The following PSMB7 variants were observed in gnomAD, a reference collection of about 807,000 sequenced individuals.
PSMB7 encodes the protein proteasome 20S subunit beta 7.
Under a neutral mutation model 28.1 loss-of-function variants are expected in PSMB7, and 5 were observed. The ratio of observed to expected loss-of-function variants is 0.18; its 90% CI spans 0.09 to 0.37. PSMB7 has a LOEUF of 0.37. Ranked by LOEUF, PSMB7 falls within the 10% of genes least tolerant of loss-of-function variation. The probability of loss-of-function intolerance (pLI) is 1.00; values close to 1 mark genes in which losing one functional copy is unlikely to be tolerated. For missense variants in PSMB7, 275 were observed against 346.2 expected, an observed-to-expected ratio of 0.79 and a Z score of 1.63; for synonymous variants, 122 against 123.7, an observed-to-expected ratio of 0.99 and a Z score of 0.09.
intron 6 of PSMB7, among the ~76,000 whole-genome samples, chr9:124,374,912 C>A (rs535153167): frequency 6.6e-6 from 1 of 152,044 alleles, no homozygotes; most frequent in East Asian, 1.9e-4. Context: ...GAGGCTGAGG[C>A]GGCAGATCAC....
At chr9:124,411,220 C>T (rs1276214821) in intron 4 of PSMB7, among the ~76,000 whole-genome samples, 1 of 152,200 alleles carries the variant, frequency 6.6e-6, no homozygotes, top group Non-Finnish European at 1.5e-5. Context: ...GATCCGCCAA[C>T]CTTGGCCTCC....
intron 6 of PSMB7, among the ~76,000 whole-genome samples, chr9:124,359,495 C>G (rs563692575): frequency 6.6e-6 from 1 of 152,320 alleles, no homozygotes; most frequent in African/African-American, 2.4e-5. Context: ...GAAACTCTGG[C>G]TGACGGTCAA....
At position 124,387,501 on chromosome 9, in the gene PSMB7, ACT is replaced by A. The variant is rs916014296; in HGVS notation, c.512-2847_512-2846del. 2.7e-5 allele frequency among the ~76,000 whole-genome samples: 4 copies of A among 145,932 alleles called. No individual in the cohort carries two copies. In the South Asian group the frequency reaches 8.4e-4, roughly 31 times the overall value. ...AAAATACATACATACACACACACAC[ACT>A]CTCTCTCTCGAGAAATTTTCTGAAA... On this transcript the variant is annotated intron_variant, in intron 5 of 7. Transcript: ENST00000259457.
chr9:124,367,710 T>C (rs1257989736), intron 6 of PSMB7, among the ~76,000 whole-genome samples: 1 of 152,118 alleles, frequency 6.6e-6, no homozygotes, highest in African/African-American at 2.4e-5. Context: ...AATTTCCCCA[T>C]CTGCAAAGGA....
rs574482554 is a variant in PSMB7, at chr9:124,364,637, TTC to T, written c.571-7724_571-7723del. On this transcript the variant is annotated intron_variant, in intron 6 of 7. Transcript: ENST00000259457. Reference sequence around the variant, plus strand: ...GATACTAATAAGATCCTCATCACATTTCTCTCTCTCTGCAAAAACAACGCGGC... The same window carrying T: ...GATACTAATAAGATCCTCATCACATTTCTCTCTCTGCAAAAACAACGCGGC... Among the ~76,000 whole-genome samples, 10 of 152,058 alleles carry T rather than the reference TTC, an allele frequency of 6.6e-5. No homozygotes were observed. The South Asian group carries it at 1.9e-3, about 28-fold the overall frequency.
chr9:124,359,919 C>A (rs1443428593), intron 6 of PSMB7, among the ~76,000 whole-genome samples: 2 of 152,144 alleles, frequency 1.3e-5, no homozygotes, highest in African/African-American at 2.4e-5. Flanking sequence ...CATATCCCTC[C>A]CTTAACACCC....
intron 3 of PSMB7, among the ~76,000 whole-genome samples, chr9:124,413,116 G>T (rs546369294): frequency 9.5e-6 from 1 of 105,568 alleles, no homozygotes; most frequent in African/African-American, 3.8e-5. Flanking sequence ...AGAAGATCAA[G>T]ATCAGCCAGG....
intron 6 of PSMB7, among the ~76,000 whole-genome samples, chr9:124,357,312 A>C (rs1830419125): frequency 6.6e-6 from 1 of 152,196 alleles, no homozygotes; most frequent in Admixed American, 6.5e-5. Context: ...ACATTAAAAA[A>C]TGGGTATAAC....
intron 6 of PSMB7, among the ~76,000 whole-genome samples, chr9:124,364,754 T>A (rs1830491479): frequency 6.6e-6 from 1 of 151,956 alleles, no homozygotes; most frequent in Non-Finnish European, 1.5e-5. Context: ...GTTTCATGGG[T>A]CACAACAAAG....
intron 6 of PSMB7, among the ~76,000 whole-genome samples, chr9:124,364,920 G>T (rs2131146207): frequency 6.6e-6 from 1 of 152,336 alleles, no homozygotes; most frequent in Middle Eastern, 3.4e-3. Context: ...ACTGCTAGAT[G>T]CTGGGCACAT....
rs867898403 is a variant in PSMB7, at chr9:124,403,876, C to T, written c.511+1441G>A. On this transcript the variant is annotated intron_variant, in intron 5 of 7. Transcript: ENST00000259457. The stretch of plus-strand genomic sequence containing the variant: ...TCAAATCTCACCTTCTTCATAAGAC[C>T]TGTCCTGACATTTTTTTTTTTTTTT... Among the ~76,000 whole-genome samples the T allele has an allele frequency of 4.0e-5, 6 of 149,410 alleles. No individual in the cohort carries two copies. The South Asian group carries it at 6.4e-4, about 16-fold the overall frequency.
intron 5 of PSMB7, among the ~76,000 whole-genome samples, chr9:124,393,675 G>A (rs899394473): frequency 6.6e-6 from 1 of 152,182 alleles, no homozygotes; most frequent in Non-Finnish European, 1.5e-5. Context: ...AAGGGAAAAG[G>A]GATTTTTCTT....
At chr9:124,359,267 T>C (rs1670243941) in intron 6 of PSMB7, among the ~76,000 whole-genome samples, 1 of 152,048 alleles carries the variant, frequency 6.6e-6, no homozygotes, top group Non-Finnish European at 1.5e-5. Context: ...GTTTCTCACT[T>C]TTTTCCCCCC....
chr9:124,414,482 C>A (rs867998028), intron 2 of PSMB7, among the ~76,000 whole-genome samples: 2 of 152,072 alleles, frequency 1.3e-5, no homozygotes, highest in South Asian at 2.1e-4. Flanking sequence ...GGAAAGTGAG[C>A]TGCCAGAAGT....
At chr9:124,376,712 T>TTCCC (rs1830613346) in intron 6 of PSMB7, among the ~76,000 whole-genome samples, 1 of 152,222 alleles carries the variant, frequency 6.6e-6, no homozygotes, top group African/African-American at 2.4e-5. Flanking sequence ...TAAGATGTCT[T>TTCCC]TCCCTCCCTG....
intron 2 of PSMB7, 93 bp downstream of exon 2, chr9:124,414,749 T>C: frequency 9.3e-7 from 1 of 1,071,104 alleles, no homozygotes; most frequent in Non-Finnish European, 1.4e-6. Context: ...GCATTTGCCT[T>C]TCCAGACCGA....
rs576628768 is a variant in PSMB7, at chr9:124,394,856, G to A, written c.512-10200C>T. 1.3e-4 allele frequency among the ~76,000 whole-genome samples: 20 copies of A among 152,140 alleles called. No individual in the cohort carries two copies. In the South Asian group the frequency reaches 1.7e-3, roughly 13 times the overall value. ...CAAGATGCATTCATTCAACTTTCAC[G>A]GGCTTTTGGTTCCCAGCTGTTTTAT... is the stretch of plus-strand genomic sequence containing the variant. On this transcript the variant is annotated intron_variant, in intron 5 of 7. Transcript: ENST00000259457.
intron 5 of PSMB7, among the ~76,000 whole-genome samples, chr9:124,399,923 C>A (rs1330016595): frequency 6.6e-6 from 1 of 152,238 alleles, no homozygotes; most frequent in Non-Finnish European, 1.5e-5. Flanking sequence ...CTAATCCTCT[C>A]ATTCCCTGGC....
At chr9:124,375,849 G>A (rs928376361) in intron 6 of PSMB7, among the ~76,000 whole-genome samples, 17 of 152,150 alleles carry the variant, frequency 1.1e-4, no homozygotes, top group African/African-American at 2.7e-4. Flanking sequence ...TGTGGGTTCC[G>A]CCAGCAAACC....
Sources: gnomAD v4.1 joint callset for allele counts (sites outside exome capture counted in the v4.1 genomes callset) on GRCh38, gnomAD v4.1.1 for gene constraint, MANE v1.5 for transcripts, NCBI Gene and HGNC (gene_info 2026-07-23, HGNC 2026-07-21) for gene names.